C1QTNF7: variants seen among roughly 807,000 people sequenced by gnomAD.
The protein encoded by C1QTNF7 is complement C1q tumor necrosis factor-related protein 7.
C1QTNF7 carries 15 observed loss-of-function variants against 19.6 expected under a neutral mutation model. The observed-to-expected ratio is 0.76, with a 90% confidence interval of 0.51 to 1.18. The LOEUF (loss-of-function observed/expected upper bound fraction) is 1.18, where lower values mean the gene tolerates loss of function less well. Ranked by LOEUF, C1QTNF7 falls within the 50% of genes most tolerant of loss-of-function variation. The pLI is 0.00. For synonymous variants in C1QTNF7, 142 were observed against 137.5 expected (o/e 1.03, Z -0.23); for missense variants, 324 against 359.7 (o/e 0.90, Z 0.80).
intron 1 of C1QTNF7, among the ~76,000 whole-genome samples, chr4:15,343,406 A>C (rs1284861639): frequency 3.3e-5 from 5 of 152,108 alleles, no homozygotes; most frequent in Non-Finnish European, 7.4e-5. Flanking sequence ...ACTGAAGCCC[A>C]ACAATTGGGA....
intron 2 of C1QTNF7, among the ~76,000 whole-genome samples, chr4:15,440,834 G>A (rs1057374081): frequency 7.2e-5 from 11 of 152,050 alleles, no homozygotes; most frequent in Admixed American, 2.6e-4. Context: ...TGCCAGATGC[G>A]CTTTCGAATT....
chr4:15,340,886 C>T (rs1304765865), intron 1 of C1QTNF7, among the ~76,000 whole-genome samples: 1 of 152,158 alleles, frequency 6.6e-6, no homozygotes, highest in Non-Finnish European at 1.5e-5. Context: ...GTGCCTCATA[C>T]ACAGGTAGGG....
chr4:15,393,755 C>T (rs749185373), intron 1 of C1QTNF7, among the ~76,000 whole-genome samples: 10 of 152,130 alleles, frequency 6.6e-5, no homozygotes, highest in African/African-American at 1.9e-4. Context: ...GACAACTAGA[C>T]GCCATGAGAG....
chr4:15,368,723 C>T (rs1717618880), intron 1 of C1QTNF7, among the ~76,000 whole-genome samples: 1 of 152,160 alleles, frequency 6.6e-6, no homozygotes, highest in Non-Finnish European at 1.5e-5. Context: ...CAAGTCTTTG[C>T]TATTGTGAAT....
chr4:15,433,120 G>A (rs564562675), intron 1 of C1QTNF7, among the ~76,000 whole-genome samples: 2 of 152,148 alleles, frequency 1.3e-5, no homozygotes, highest in South Asian at 4.2e-4. Flanking sequence ...AGCAACTCTG[G>A]CCTCAGCCAA....
At chr4:15,353,560 G>T (rs886794414) in intron 1 of C1QTNF7, among the ~76,000 whole-genome samples, 1 of 152,182 alleles carries the variant, frequency 6.6e-6, no homozygotes, top group African/African-American at 2.4e-5. Flanking sequence ...GGGCAAGGTT[G>T]CCATCTGTGA....
chr4:15,411,697 G>A (rs1322359405), intron 1 of C1QTNF7, among the ~76,000 whole-genome samples: 1 of 152,112 alleles, frequency 6.6e-6, no homozygotes, highest in African/African-American at 2.4e-5. Flanking sequence ...GCTTCCCCTG[G>A]TATAGTAATT....
At chr4:15,378,109 A>T (rs886322068) in intron 1 of C1QTNF7, among the ~76,000 whole-genome samples, 7 of 152,242 alleles carry the variant, frequency 4.6e-5, no homozygotes, top group African/African-American at 1.7e-4. Flanking sequence ...AACAAGACAC[A>T]GTGACTAGGT....
chr4:15,423,486 C>A (rs1464831113), upstream of C1QTNF7, among the ~76,000 whole-genome samples: 1 of 152,148 alleles, frequency 6.6e-6, no homozygotes, highest in Non-Finnish European at 1.5e-5. Context: ...GTTTAGAAAC[C>A]AAACTGAGTC....
chr4:15,362,432 T>G (rs1717375301), intron 1 of C1QTNF7: 1 of 152,182 alleles, frequency 6.6e-6, no homozygotes, highest in African/African-American at 2.4e-5. Flanking sequence ...GCATTCTTGA[T>G]CCTTGTGCGT....
chr4:15,439,017 A>G (rs555399708), intron 2 of C1QTNF7, among the ~76,000 whole-genome samples: 2 of 152,210 alleles, frequency 1.3e-5, no homozygotes, highest in Non-Finnish European at 2.9e-5. Context: ...GAACCATTTC[A>G]TGGAGAACTA....
At chr4:15,356,847 C>T (rs1025289041) in intron 1 of C1QTNF7, among the ~76,000 whole-genome samples, 7 of 151,740 alleles carry the variant, frequency 4.6e-5, no homozygotes, top group African/African-American at 1.7e-4. Flanking sequence ...CTCTAATAAC[C>T]AGTGATGATG....
chr4:15,424,953 A>G (rs1205228441), upstream of C1QTNF7, among the ~76,000 whole-genome samples: 1 of 152,102 alleles, frequency 6.6e-6, no homozygotes, highest in Non-Finnish European at 1.5e-5. Context: ...CTTCCTCACT[A>G]GATTTTGTCT....
intron 1 of C1QTNF7, among the ~76,000 whole-genome samples, chr4:15,433,704 A>G (rs1304033870): frequency 6.6e-6 from 1 of 152,212 alleles, no homozygotes; most frequent in Non-Finnish European, 1.5e-5. Context: ...ATCACAGGAC[A>G]GCCTGAATCT....
chr4:15,419,502 C>A (rs546759019), intron 1 of C1QTNF7, among the ~76,000 whole-genome samples: 1 of 152,104 alleles, frequency 6.6e-6, no homozygotes, highest in Non-Finnish European at 1.5e-5. Flanking sequence ...GGTACTATTA[C>A]AAATCTTTGA....
At chr4:15,419,312 A>G (rs1018267241) in intron 1 of C1QTNF7, among the ~76,000 whole-genome samples, 1 of 152,244 alleles carries the variant, frequency 6.6e-6, no homozygotes, top group Non-Finnish European at 1.5e-5. Flanking sequence ...TCTCATTTAT[A>G]CTAGGAAAAA....
intron 1 of C1QTNF7, among the ~76,000 whole-genome samples, chr4:15,370,683 A>G (rs1397240330): frequency 6.6e-6 from 1 of 152,244 alleles, no homozygotes; most frequent in African/African-American, 2.4e-5. Context: ...GTTTATAAAT[A>G]AAAGAAATTT....
At chr4:15,371,134 G>A (rs930290346) in intron 1 of C1QTNF7, among the ~76,000 whole-genome samples, 2 of 152,204 alleles carry the variant, frequency 1.3e-5, no homozygotes, top group African/African-American at 2.4e-5. Flanking sequence ...TCCTGCAGAG[G>A]GCCAGGCTGT....
intron 1 of C1QTNF7, among the ~76,000 whole-genome samples, chr4:15,363,305 C>T (rs1205971871): frequency 6.6e-6 from 1 of 151,512 alleles, no homozygotes; most frequent in Non-Finnish European, 1.5e-5. Context: ...TTTTTAAAGA[C>T]ATGTTTAATT....
Sources: allele counts gnomAD v4.1 joint callset (sites outside exome capture counted in the v4.1 genomes callset), GRCh38; gene constraint gnomAD v4.1.1; transcripts MANE v1.5; gene names NCBI Gene and HGNC (gene_info 2026-07-23, HGNC 2026-07-21).